Variants in MARCHF10 observed in about 807,000 individuals in gnomAD.
MARCHF10 encodes membrane associated ring-CH-type finger 10.
MARCHF10 carries 64 observed loss-of-function variants against 76.2 expected under a neutral mutation model. That is an observed-to-expected ratio of 0.84 (90% confidence interval 0.69 to 1.03). The LOEUF (loss-of-function observed/expected upper bound fraction) is 1.03. MARCHF10 is among the 50% of genes least tolerant of loss of function. The pLI, the probability that MARCHF10 is intolerant of heterozygous loss-of-function variation, is 0.00. For synonymous variants in MARCHF10, 340 were observed against 357.5 expected (o/e 0.95, Z 0.55); for missense variants, 875 against 958.0 (o/e 0.91, Z 1.14).
intron 3 of MARCHF10, among the ~76,000 whole-genome samples, chr17:62,761,179 T>C (rs747086206): frequency 6.6e-5 from 10 of 152,230 alleles, no homozygotes; most frequent in Non-Finnish European, 1.5e-4. Context: ...GGACACATCA[T>C]TATGCTCCAA....
At chr17:62,768,906 T>C (rs567367141) in intron 3 of MARCHF10, among the ~76,000 whole-genome samples, 8 of 152,268 alleles carry the variant, frequency 5.3e-5, no homozygotes, top group Non-Finnish European at 1.2e-4. Flanking sequence ...TTTTTGGGTA[T>C]ACATTTGGAT....
chr17:62,724,905 T>C (rs1454720887), intron 7 of MARCHF10, 33 bp downstream of exon 7: 6 of 1,605,556 alleles, frequency 3.7e-6, no homozygotes, highest in Non-Finnish European at 5.1e-6. Flanking sequence ...TTACATGTCG[T>C]GGCACGTTCA....
In MARCHF10 at chr17:62,798,137, A is replaced by G. The variant is rs562136479; in HGVS notation, c.90+3509T>C. ...GAGACCCAGGATTACAAGTCTTAGTATAAAGTGGTGGTTGAACCATAGCAG... is the reference window on the plus strand; with the variant it reads ...GAGACCCAGGATTACAAGTCTTAGTGTAAAGTGGTGGTTGAACCATAGCAG... On this transcript the variant is annotated intron_variant, in intron 2 of 10. Transcript: ENST00000311269. Among the ~76,000 whole-genome samples, 4 of 152,306 alleles carry G rather than the reference A, an allele frequency of 2.6e-5. No individual in the cohort carries two copies. In the South Asian group the frequency reaches 6.2e-4, roughly 24 times the overall value.
intron 3 of MARCHF10, among the ~76,000 whole-genome samples, chr17:62,786,299 A>G (rs1055316931): frequency 4.6e-5 from 7 of 150,728 alleles, no homozygotes; most frequent in Admixed American, 2.0e-4. Flanking sequence ...ACCAAACACC[A>G]CATGTTCTCA....
At chr17:62,731,284 A>T (rs2091012938) in intron 6 of MARCHF10, among the ~76,000 whole-genome samples, 1 of 152,094 alleles carries the variant, frequency 6.6e-6, no homozygotes, top group South Asian at 2.1e-4. Flanking sequence ...TTTTTTTGAG[A>T]TGGAGTCTTG....
At chr17:62,743,370 G>A (rs1056767041) in intron 5 of MARCHF10, among the ~76,000 whole-genome samples, 6 of 152,174 alleles carry the variant, frequency 3.9e-5, no homozygotes, top group African/African-American at 7.2e-5. Context: ...AAGGCAGGCC[G>A]GGTGCCATGG....
chr17:62,767,361 G>A (rs2092356435), intron 3 of MARCHF10, among the ~76,000 whole-genome samples: 1 of 151,084 alleles, frequency 6.6e-6, no homozygotes, highest in African/African-American at 2.4e-5. Context: ...TGCTCAGAAT[G>A]GAAAAACAAA....
intron 2 of MARCHF10, among the ~76,000 whole-genome samples, chr17:62,790,396 GA>G (rs1250255696): frequency 2.0e-5 from 3 of 152,116 alleles, no homozygotes; most frequent in Non-Finnish European, 4.4e-5. Context: ...GGCTGGTCTT[GA>G]ACTCCTGACC....
At chr17:62,742,042 G>A in intron 5 of MARCHF10, among the ~76,000 whole-genome samples, 1 of 103,534 alleles carries the variant, frequency 9.7e-6, no homozygotes, top group Non-Finnish European at 1.8e-5. Flanking sequence ...TTTTTGAGAT[G>A]GAGTCTCACT....
In MARCHF10 at chr17:62,712,624, C is replaced by T. The variant is rs1379270351; in HGVS notation, c.2215-1280G>A. Among the ~76,000 whole-genome samples, 1 of 152,180 alleles carries T rather than the reference C, an allele frequency of 6.6e-6. No individual in the cohort carries two copies. Among genetic ancestry groups the T allele is most frequent in the African/African-American group, 2.4e-5 (1 of 41,448 alleles). ...TTCTACAGATCCATCTTCGAAGGCC[C>T]CAGTCCTCTGTCCTTAGCAGTTAGC... is the stretch of plus-strand genomic sequence containing the variant. On this transcript the variant is annotated intron_variant, in intron 8 of 10. Coordinates refer to ENST00000311269, the MANE Select transcript of MARCHF10 (RefSeq NM_152598.4). The surrounding 1 kb of genome is among the most constrained non-coding windows in gnomAD (Gnocchi z 4.2).
At chr17:62,753,232 G>A (rs181576116) in intron 4 of MARCHF10, among the ~76,000 whole-genome samples, 15 of 152,084 alleles carry the variant, frequency 9.9e-5, no homozygotes, top group South Asian at 8.3e-4. Flanking sequence ...TCAGTCTCCC[G>A]AGTAGATGAG....
At chr17:62,708,159 C>T (rs536412903) in intron 9 of MARCHF10, among the ~76,000 whole-genome samples, 260 of 152,130 alleles carry the variant, frequency 1.7e-3, no homozygotes, top group African/African-American at 6.0e-3. Flanking sequence ...TATTCCTTTA[C>T]CTAGAATATT....
At chr17:62,756,515 A>G (rs879474635) in intron 4 of MARCHF10, among the ~76,000 whole-genome samples, 1 of 152,212 alleles carries the variant, frequency 6.6e-6, no homozygotes, top group Non-Finnish European at 1.5e-5. Flanking sequence ...ATGTTTTGGG[A>G]GGACAACCTT....
At chr17:62,762,039 G>A (rs568413631) in intron 3 of MARCHF10, among the ~76,000 whole-genome samples, 26 of 152,196 alleles carry the variant, frequency 1.7e-4, no homozygotes, top group Non-Finnish European at 3.4e-4. Flanking sequence ...GTCAGCAGCA[G>A]TAGCAGCAGC....
intron 2 of MARCHF10, among the ~76,000 whole-genome samples, chr17:62,792,889 A>ACT (rs2092887849): frequency 9.8e-6 from 1 of 101,568 alleles, no homozygotes; most frequent in Admixed American, 9.7e-5. Context: ...CCCCTCCATC[A>ACT]ACCACCACCA....
intron 2 of MARCHF10, among the ~76,000 whole-genome samples, chr17:62,795,545 G>T (rs1009154196): frequency 6.6e-6 from 1 of 152,096 alleles, no homozygotes; most frequent in South Asian, 2.1e-4. Context: ...CCACTGAAAG[G>T]AGTAGTATCA....
chr17:62,779,884 G>A (rs1260881580), intron 3 of MARCHF10, among the ~76,000 whole-genome samples: 1 of 152,208 alleles, frequency 6.6e-6, no homozygotes, highest in African/African-American at 2.4e-5. Flanking sequence ...ATCACCTGAG[G>A]TCAGTAGTTT....
At chr17:62,752,455 C>T (rs12709416) in intron 4 of MARCHF10, among the ~76,000 whole-genome samples, 78,623 of 151,970 alleles carry the variant, frequency 0.52, 21,422 homozygotes, top group East Asian at 0.71. Context: ...AGGGGACCCA[C>T]CCTCTCCTTG....
intron 3 of MARCHF10, 66 bp downstream of exon 3, chr17:62,788,414 C>T: frequency 6.3e-7 from 1 of 1,596,722 alleles, no homozygotes; most frequent in Non-Finnish European, 8.6e-7. Context: ...ATCACACACA[C>T]ACACACACCA....
Sources: gnomAD v4.1 joint callset for allele counts (sites outside exome capture counted in the v4.1 genomes callset) on GRCh38, gnomAD v4.1.1 for gene constraint, Gnocchi (gnomAD v3.1) non-coding constraint, MANE v1.5 for transcripts, NCBI Gene and HGNC (gene_info 2026-07-23, HGNC 2026-07-21) for gene names.